ENOX2: variants seen among roughly 807,000 people sequenced by gnomAD.
ENOX2 encodes the protein ecto-NOX disulfide-thiol exchanger 2.
ENOX2 carries 36 observed loss-of-function variants against 45.0 expected under a neutral mutation model. The ratio of observed to expected loss-of-function variants is 0.80; its 90% confidence interval spans 0.61 to 1.06. ENOX2 has a LOEUF of 1.06. Among genes scored for constraint, ENOX2 ranks in the 50% least tolerant of loss-of-function variants. The pLI is 0.00. For missense variants in ENOX2, 423 were observed against 462.5 expected, an observed-to-expected ratio of 0.91 and a Z score of 0.78; for synonymous variants, 174 against 152.3, an observed-to-expected ratio of 1.14 and a Z score of -1.05.
intron 3 of ENOX2, among the ~76,000 whole-genome samples, chrX:130,717,175 ACAG>A (rs2038352607): frequency 8.9e-6 from 1 of 112,279 alleles, no homozygotes; most frequent in Non-Finnish European, 1.9e-5. Flanking sequence ...GTAATTCCTG[ACAG>A]CCTGTGCTTA....
intron 3 of ENOX2, among the ~76,000 whole-genome samples, chrX:130,725,952 T>C (rs1254701948): frequency 8.9e-6 from 1 of 112,059 alleles, no homozygotes; most frequent in African/African-American, 3.2e-5. Context: ...CATACCCTAG[T>C]GCTGGGAAGT....
intron 3 of ENOX2, among the ~76,000 whole-genome samples, chrX:130,727,487 A>C (rs1569493810): frequency 1.8e-5 from 2 of 112,528 alleles, no homozygotes; most frequent in Non-Finnish European, 3.8e-5. Flanking sequence ...TCATACAGGC[A>C]GTAAGTGGTA....
chrX:130,822,112 CAG>C (rs2077627566), intron 2 of ENOX2, among the ~76,000 whole-genome samples: 1 of 101,443 alleles, frequency 9.9e-6, no homozygotes, highest in Non-Finnish European at 2.0e-5. Flanking sequence ...AAGTAGAACA[CAG>C]AGGAGAGGAA....
At chrX:130,707,976 C>A (rs2038083658) in intron 3 of ENOX2, among the ~76,000 whole-genome samples, 1 of 112,131 alleles carries the variant, frequency 8.9e-6, no homozygotes, top group Admixed American at 9.5e-5. Flanking sequence ...ATGTGTCAGG[C>A]AGTATTGCAG....
intron 8 of ENOX2, among the ~76,000 whole-genome samples, chrX:130,667,229 T>G (rs1351029104): frequency 8.9e-6 from 1 of 112,013 alleles, no homozygotes; most frequent in East Asian, 2.8e-4. Flanking sequence ...ACTTTAGCAA[T>G]AAAATACCCA....
chrX:130,832,348 G>A (rs899991066), intron 2 of ENOX2, among the ~76,000 whole-genome samples: 1 of 109,113 alleles, frequency 9.2e-6, no homozygotes, highest in African/African-American at 3.3e-5. Context: ...AGAATACCAT[G>A]TCAGTTGTTA....
At chrX:130,789,991 T>A (rs1036589145) in intron 2 of ENOX2, among the ~76,000 whole-genome samples, 4 of 112,890 alleles carry the variant, frequency 3.5e-5, no homozygotes, top group Non-Finnish European at 7.5e-5. Flanking sequence ...GCAATATTAC[T>A]CTTCAGCCAC....
intron 2 of ENOX2, among the ~76,000 whole-genome samples, chrX:130,833,805 T>C (rs1442347483): frequency 2.7e-5 from 3 of 111,690 alleles, no homozygotes; most frequent in Non-Finnish European, 5.7e-5. Flanking sequence ...CTTTACCTTT[T>C]ACTCCTCATC....
chrX:130,697,681 C>T (rs2037797793), intron 4 of ENOX2, among the ~76,000 whole-genome samples: 1 of 111,884 alleles, frequency 8.9e-6, no homozygotes, highest in Admixed American at 9.5e-5. Flanking sequence ...TACCTTCATA[C>T]CGGCAGGCTT....
At chrX:130,644,938 C>T (rs1381052514) in intron 10 of ENOX2, among the ~76,000 whole-genome samples, 1 of 111,337 alleles carries the variant, frequency 9.0e-6, no homozygotes, top group Non-Finnish European at 1.9e-5. Flanking sequence ...TCAATAGTAA[C>T]AAATTATAAT....
At chrX:130,735,421 T>A (rs912417002) in intron 3 of ENOX2, among the ~76,000 whole-genome samples, 1 of 112,054 alleles carries the variant, frequency 8.9e-6, no homozygotes, top group Non-Finnish European at 1.9e-5. Flanking sequence ...GCAAAGCTGT[T>A]ATTTAATGAT....
At chrX:130,760,434 A>T (rs979809589) in intron 3 of ENOX2, among the ~76,000 whole-genome samples, 1 of 110,912 alleles carries the variant, frequency 9.0e-6, no homozygotes, top group East Asian at 2.8e-4. Context: ...TTAGGGGAAA[A>T]GCAATTCAGT....
chrX:130,848,192 A>G (rs1206750264), intron 2 of ENOX2, among the ~76,000 whole-genome samples: 2 of 111,871 alleles, frequency 1.8e-5, no homozygotes, highest in Non-Finnish European at 3.8e-5. Context: ...ATAAAGAGCC[A>G]TCGTTCAATT....
chrX:130,898,239 C>G (rs1367981051), intron 2 of ENOX2, among the ~76,000 whole-genome samples: 1 of 111,810 alleles, frequency 8.9e-6, no homozygotes. Flanking sequence ...AACTCCTGAC[C>G]TCAGGTGATC....
At chrX:130,713,080 A>T (rs2038234910) in intron 3 of ENOX2, among the ~76,000 whole-genome samples, 1 of 112,686 alleles carries the variant, frequency 8.9e-6, no homozygotes, top group African/African-American at 3.2e-5. Flanking sequence ...CCACAGATAC[A>T]GTTAATGTTG....
chrX:130,727,341 G>A (rs2038630475), intron 3 of ENOX2, among the ~76,000 whole-genome samples: 1 of 111,867 alleles, frequency 8.9e-6, no homozygotes, highest in Non-Finnish European at 1.9e-5. Context: ...CTTTCTTTTG[G>A]CCCTAGGTAT....
At chrX:130,722,229 T>C (rs2038497788) in intron 3 of ENOX2, among the ~76,000 whole-genome samples, 1 of 112,132 alleles carries the variant, frequency 8.9e-6, no homozygotes, top group Non-Finnish European at 1.9e-5. Context: ...TATCTGAATA[T>C]GAATATGTCT....
chrX:130,872,119 G>A (rs1267266382), intron 2 of ENOX2, among the ~76,000 whole-genome samples: 1 of 111,697 alleles, frequency 9.0e-6, no homozygotes, highest in Non-Finnish European at 1.9e-5. Flanking sequence ...TTACCTCATT[G>A]GGCTCCTCAG....
chrX:130,800,044 C>T (rs914302077), intron 2 of ENOX2, among the ~76,000 whole-genome samples: 10 of 110,424 alleles, frequency 9.1e-5, no homozygotes, highest in African/African-American at 2.6e-4. Context: ...ATATTATTTA[C>T]GGAACAAGCA....
Sources: allele counts gnomAD v4.1 joint callset (sites outside exome capture counted in the v4.1 genomes callset), GRCh38; gene constraint gnomAD v4.1.1; transcripts MANE v1.5; gene names NCBI Gene and HGNC (gene_info 2026-07-23, HGNC 2026-07-21).